The following PAK2 variants were observed in gnomAD, a reference collection of about 807,000 sequenced individuals.
The protein encoded by PAK2 is p21 (RAC1) activated kinase 2, also known as serine/threonine-protein kinase PAK 2.
Under a neutral mutation model 65.9 loss-of-function variants are expected in PAK2, and 21 were observed. That is an observed-to-expected ratio of 0.32 (90% confidence interval 0.23 to 0.46). PAK2 has a LOEUF of 0.46. Among genes scored for constraint, PAK2 ranks in the 20% least tolerant of loss-of-function variants. PAK2 has a pLI of 1.00. For synonymous variants in PAK2, 204 were observed against 219.7 expected (o/e 0.93, Z 0.63); for missense variants, 324 against 642.6 (o/e 0.50, Z 5.36).
chr3:196,753,512 C>T (rs1039122649), intron 1 of PAK2, among the ~76,000 whole-genome samples: 4 of 152,204 alleles, frequency 2.6e-5, no homozygotes, highest in Non-Finnish European at 5.9e-5. Context: ...TCTTTTATCT[C>T]GCTAATTACA....
At chr3:196,797,700 A>C (rs1715300050) in intron 2 of PAK2, among the ~76,000 whole-genome samples, 1 of 151,244 alleles carries the variant, frequency 6.6e-6, no homozygotes, top group African/African-American at 2.4e-5. Flanking sequence ...GCAGTGAACC[A>C]AGATTGTGCC....
intron 1 of PAK2, among the ~76,000 whole-genome samples, chr3:196,779,160 C>T (rs1714629395): frequency 6.6e-6 from 1 of 152,148 alleles, no homozygotes; most frequent in African/African-American, 2.4e-5. Flanking sequence ...TGCAATTCTT[C>T]TGTAAGAAAG....
intron 2 of PAK2, among the ~76,000 whole-genome samples, chr3:196,784,356 C>T (rs1394356361): frequency 9.4e-6 from 1 of 106,582 alleles, no homozygotes; most frequent in African/African-American, 3.7e-5. Context: ...AGGTATATCT[C>T]CCAATGCTAT....
chr3:196,745,651 G>GA (rs1326510776), intron 1 of PAK2, among the ~76,000 whole-genome samples: 1 of 151,952 alleles, frequency 6.6e-6, no homozygotes, highest in Non-Finnish European at 1.5e-5. Context: ...TGTGTCTACT[G>GA]AAAACACAAA....
chr3:196,750,773 A>G (rs778668876), intron 1 of PAK2, among the ~76,000 whole-genome samples: 4 of 151,606 alleles, frequency 2.6e-5, no homozygotes, highest in Non-Finnish European at 2.9e-5. Flanking sequence ...AAAAAAAACC[A>G]AAACATGTTT....
intron 1 of PAK2, among the ~76,000 whole-genome samples, chr3:196,761,522 G>A (rs1404228061): frequency 2.2e-4 from 22 of 100,850 alleles, no homozygotes; most frequent in Middle Eastern, 3.9e-3. Flanking sequence ...TTTTCTTAGT[G>A]CAGAACAAAA....
In PAK2 at chr3:196,801,925, A is replaced by G; in HGVS notation, c.188-2A>G. ...TTTCTCTTTTTTTCTAATGCCCCCTAGGAAGTAAAAAGAAAGAAAAGGAAC... is the reference window on the plus strand; with the variant it reads ...TTTCTCTTTTTTTCTAATGCCCCCTGGGAAGTAAAAAGAAAGAAAAGGAAC... On this transcript the variant is annotated splice_acceptor_variant, in intron 2 of 14. Coordinates refer to ENST00000327134, the MANE Select transcript of PAK2 (RefSeq NM_002577.4). LOFTEE classifies it high-confidence loss of function. The G allele has an allele frequency of 6.7e-7, 1 of 1,499,932 alleles. No individual in the cohort carries two copies. 92.9% of individuals were successfully genotyped at this position (1,499,932 alleles called of 1,614,324 possible).
rs528674282 is a variant in PAK2 at position 196,782,843 on chromosome 3, G to T, written c.187+10G>T. The T allele has an allele frequency of 1.1e-5, 17 of 1,581,928 alleles. No individual in the cohort carries two copies. The African/African-American group carries it at 1.9e-4, about 18-fold the overall frequency. On this transcript the variant is annotated intron_variant, in intron 2 of 14. Coordinates refer to ENST00000327134, the MANE Select transcript of PAK2 (RefSeq NM_002577.4). ...TCAGGCACAGAGAAAGGTAAATAGCGCTTCTGGCTTTCAGAGTCTCAGCAT... is the reference window on the plus strand; with the variant it reads ...TCAGGCACAGAGAAAGGTAAATAGCTCTTCTGGCTTTCAGAGTCTCAGCAT...
chr3:196,815,460 C>T (rs1056899550), intron 11 of PAK2, among the ~76,000 whole-genome samples: 5 of 150,798 alleles, frequency 3.3e-5, no homozygotes, highest in African/African-American at 7.3e-5. Context: ...CCACCGCACT[C>T]CATCCTGGGC....
chr3:196,779,490 G>A (rs1454385630), intron 1 of PAK2, among the ~76,000 whole-genome samples: 3 of 152,110 alleles, frequency 2.0e-5, no homozygotes, highest in African/African-American at 7.2e-5. Flanking sequence ...AGGATTCCAT[G>A]CAAAGCAGTC....
At chr3:196,804,838 TATATATACACACACAC>T (rs1228255870) in intron 4 of PAK2, among the ~76,000 whole-genome samples, 6 of 150,876 alleles carry the variant, frequency 4.0e-5, no homozygotes, top group Non-Finnish European at 7.4e-5. Context: ...CATATATATA[TATATATACACACACAC>T]ATATACACAC....
chr3:196,799,729 A>G (rs1312623376), intron 2 of PAK2, among the ~76,000 whole-genome samples: 2 of 152,104 alleles, frequency 1.3e-5, no homozygotes, highest in African/African-American at 4.8e-5. Flanking sequence ...ATCTCGGCTC[A>G]CTGCAGCCTC....
rs189463062 is a variant in PAK2, at chr3:196,763,673, G to A, written c.-21-18953G>A. 1.7e-3 allele frequency among the ~76,000 whole-genome samples: 261 copies of A among 152,202 alleles called. 3 individuals carry two copies. Among genetic ancestry groups the A allele is most frequent in the East Asian group, 5.6e-3 (29 of 5,176 alleles). On this transcript the variant is annotated intron_variant, in intron 1 of 14. Transcript: ENST00000327134. The stretch of plus-strand genomic sequence containing the variant: ...GATTTTTAAATTGAAGATTGCTTAC[G>A]TTTTCATGGCAAAATAGTATCTGCA...
chr3:196,760,471 G>C (rs182419913), intron 1 of PAK2, among the ~76,000 whole-genome samples: 2 of 152,074 alleles, frequency 1.3e-5, no homozygotes, highest in Non-Finnish European at 2.9e-5. Context: ...GGCTGGTCTC[G>C]AACTCCTGAG....
chr3:196,765,061 G>T (rs1308434520), intron 1 of PAK2, among the ~76,000 whole-genome samples: 19 of 150,588 alleles, frequency 1.3e-4, no homozygotes, highest in Non-Finnish European at 5.9e-5. Flanking sequence ...AGCCAGGATG[G>T]TCTCGATCTT....
At chr3:196,821,715 T>G (rs1711659512) in intron 13 of PAK2, among the ~76,000 whole-genome samples, 1 of 152,126 alleles carries the variant, frequency 6.6e-6, no homozygotes, top group African/African-American at 2.4e-5. Context: ...GGTGAGAAGA[T>G]AAGGAAACTA....
intron 1 of PAK2, among the ~76,000 whole-genome samples, chr3:196,764,028 G>C (rs1714073964): frequency 1.4e-5 from 2 of 147,314 alleles, no homozygotes; most frequent in Non-Finnish European, 3.0e-5. Flanking sequence ...GGATGGTCTT[G>C]ATCTCCTGAC....
At chr3:196,795,556 T>C (rs542169004) in intron 2 of PAK2, among the ~76,000 whole-genome samples, 5 of 152,108 alleles carry the variant, frequency 3.3e-5, no homozygotes, top group Non-Finnish European at 2.9e-5. Flanking sequence ...ATTATATATA[T>C]AGGACGAAGA....
chr3:196,795,655 A>G (rs1408212971), intron 2 of PAK2, among the ~76,000 whole-genome samples: 1 of 152,228 alleles, frequency 6.6e-6, no homozygotes, highest in East Asian at 1.9e-4. Flanking sequence ...AAAAAAATCT[A>G]TCAGCCTAGA....
Sources: gnomAD v4.1 joint callset for allele counts (sites outside exome capture counted in the v4.1 genomes callset) on GRCh38, gnomAD v4.1.1 for gene constraint, MANE v1.5 for transcripts, NCBI Gene and HGNC (gene_info 2026-07-23, HGNC 2026-07-21) for gene names.